Variants in SLC25A53 observed in about 807,000 individuals in gnomAD.
SLC25A53 encodes the protein mitochondrial carrier triple repeat protein 6.
SLC25A53 carries 5 observed loss-of-function variants against 15.0 expected under a neutral mutation model. That is an observed-to-expected ratio of 0.33 (90% CI 0.17 to 0.70). SLC25A53 has a LOEUF of 0.70. Ranked by LOEUF, SLC25A53 falls within the 30% of genes least tolerant of loss-of-function variation. The pLI, the probability that SLC25A53 is intolerant of heterozygous loss-of-function variation, is 0.67. For missense variants in SLC25A53, 216 were observed against 241.6 expected, an observed-to-expected ratio of 0.89 and a Z score of 0.70; for synonymous variants, 95 against 100.0, an observed-to-expected ratio of 0.95 and a Z score of 0.30.
In SLC25A53 at chrX:104,104,799, G is replaced by T; in HGVS notation, c.459C>A (p.Ser153Arg). ...TGAATTCCTTGAGAATGCTGAAGGT[G>T]CTGGGGAAGCGAGCTTGCTTGCGAC... ...QDGRKQARFP[S>R]TFSILKEFNS... Residue 153 changes from serine (S) to arginine (R), a missense_variant, in exon 2 of 2, where the codon AGC becomes AGA. Ser to Arg is a moderately radical substitution (Grantham distance 110). Coordinates refer to ENST00000594199, the MANE Select transcript of SLC25A53 (RefSeq NM_001012755.5). 1 of 1,211,727 alleles carries T rather than the reference G, an allele frequency of 8.3e-7. No individual in the cohort carries two copies.
chrX:104,149,603 C>G (rs2075479144), intron 1 of SLC25A53, among the ~76,000 whole-genome samples: 1 of 112,132 alleles, frequency 8.9e-6, no homozygotes, highest in South Asian at 3.7e-4. Context: ...AGGTGAATGT[C>G]ACTGCAGGTG....
intron 1 of SLC25A53, among the ~76,000 whole-genome samples, chrX:104,106,164 T>G (rs1267933637): frequency 1.8e-5 from 2 of 110,608 alleles, no homozygotes; most frequent in Non-Finnish European, 3.8e-5. Context: ...TGCTCCCGGC[T>G]TAGAACCACT....
intron 1 of SLC25A53, among the ~76,000 whole-genome samples, chrX:104,118,802 T>C (rs1411777007): frequency 8.9e-6 from 1 of 112,324 alleles, no homozygotes; most frequent in African/African-American, 3.2e-5. Context: ...ATAAAGATGA[T>C]ACATGAGGAA....
rs1335106193 is a variant in SLC25A53, at chrX:104,102,728, T to A, written c.*1606A>T. ...TTAAAATGCATACAAAAATCCCTGC[T>A]TTCAATGAGTTTTACAGTCTAGTAG... On this transcript the variant is annotated 3_prime_UTR_variant, in exon 2 of 2. Transcript: ENST00000594199. 2.7e-5 allele frequency: 3 copies of A among 111,941 alleles called. No individual in the cohort carries two copies. Among genetic ancestry groups the A allele is most frequent in the Non-Finnish European group, 5.6e-5 (3 of 53,236 alleles). The allele number at this position is 111,941 out of a possible 1,213,427, so 9.2% of individuals were successfully genotyped here.
intron 1 of SLC25A53, among the ~76,000 whole-genome samples, chrX:104,148,887 A>G (rs1309607428): frequency 8.9e-6 from 1 of 112,465 alleles, no homozygotes; most frequent in Non-Finnish European, 1.9e-5. Flanking sequence ...CACTGTTAAT[A>G]TTATTACTAC....
intron 1 of SLC25A53, among the ~76,000 whole-genome samples, chrX:104,120,509 T>C (rs1412092865): frequency 8.9e-6 from 1 of 112,351 alleles, no homozygotes; most frequent in African/African-American, 3.2e-5. Flanking sequence ...TTGTTGATGG[T>C]ATATAGAAAT....
intron 1 of SLC25A53, among the ~76,000 whole-genome samples, chrX:104,151,419 A>G (rs1556370327): frequency 9.0e-6 from 1 of 111,604 alleles, no homozygotes; most frequent in African/African-American, 3.3e-5. Context: ...CAAAGCAAAA[A>G]CGTGACATTA....
At chrX:104,123,717 C>T (rs2075401988) in intron 1 of SLC25A53, among the ~76,000 whole-genome samples, 1 of 110,540 alleles carries the variant, frequency 9.0e-6, no homozygotes, top group Non-Finnish European at 1.9e-5. Context: ...CCTCTAGCCC[C>T]CTACCCCTCA....
At chrX:104,113,887 G>A in intron 1 of SLC25A53, 1 of 465,021 alleles carries the variant, frequency 2.2e-6, no homozygotes. Context: ...GCACTGGGCA[G>A]ATATAAAATG....
At chrX:104,126,804 A>C (rs2147873652) in intron 1 of SLC25A53, among the ~76,000 whole-genome samples, 1 of 112,585 alleles carries the variant, frequency 8.9e-6, no homozygotes, top group East Asian at 2.8e-4. Flanking sequence ...CAATAAGCTA[A>C]GCTATCATTG....
At chrX:104,154,916 A>C (rs1175932352) in intron 1 of SLC25A53, among the ~76,000 whole-genome samples, 1 of 111,951 alleles carries the variant, frequency 8.9e-6, no homozygotes, top group African/African-American at 3.2e-5. Flanking sequence ...AAAAAGATAA[A>C]ATTTTAGGTG....
At chrX:104,149,719 G>C (rs1332760495) in intron 1 of SLC25A53, among the ~76,000 whole-genome samples, 1 of 112,068 alleles carries the variant, frequency 8.9e-6, no homozygotes, top group East Asian at 2.8e-4. Context: ...ATTCAAAGGA[G>C]AGGAGACATT....
At chrX:104,133,850 G>A (rs2075430935) in intron 1 of SLC25A53, among the ~76,000 whole-genome samples, 1 of 111,550 alleles carries the variant, frequency 9.0e-6, no homozygotes, top group African/African-American at 3.3e-5. Flanking sequence ...TTTCCTCCCC[G>A]TGGCTGTAAA....
chrX:104,142,606 T>C (rs1442030467), intron 1 of SLC25A53, among the ~76,000 whole-genome samples: 3 of 111,201 alleles, frequency 2.7e-5, no homozygotes, highest in African/African-American at 9.8e-5. Context: ...ATATTAAATC[T>C]TGTTACTCTG....
Position 104,101,750 on chromosome X carries a change from T to A in SLC25A53, c.*2584A>T, listed in dbSNP as rs2075281794. ...TCTCAGATAGTTCAGGGAAAAAATA[T>A]CCTGTGTGTGTATAGACAGAGTGCA... On this transcript the variant is annotated 3_prime_UTR_variant, in exon 2 of 2. Coordinates refer to ENST00000594199, the MANE Select transcript of SLC25A53 (RefSeq NM_001012755.5). 1 of 111,881 alleles carries A rather than the reference T, an allele frequency of 8.9e-6. No homozygotes were observed. The highest frequency in any genetic ancestry group is 3.7e-4 in the South Asian group (1 of 2,687). The allele number at this position is 111,881 out of a possible 1,213,427, so 9.2% of individuals were successfully genotyped here. A position where few individuals can be genotyped will look rare whatever the true frequency, so the allele number is the denominator to read the frequency against.
chrX:104,142,487 T>G (rs1248171803), intron 1 of SLC25A53, among the ~76,000 whole-genome samples: 1 of 111,709 alleles, frequency 9.0e-6, no homozygotes, highest in Non-Finnish European at 1.9e-5. Context: ...AGGCAAACAT[T>G]CACATAACCA....
chrX:104,120,563 A>ATC (rs113693810), intron 1 of SLC25A53, among the ~76,000 whole-genome samples: 4,358 of 112,085 alleles, frequency 0.039, 180 homozygotes, highest in African/African-American at 0.13. Context: ...GACTTTGCTA[A>ATC]TCTCTTAATA....
intron 1 of SLC25A53, chrX:104,114,383 G>C: frequency 8.3e-7 from 1 of 1,211,903 alleles, no homozygotes. Flanking sequence ...AAAACACTTA[G>C]GGGCCCTGCC....
chrX:104,118,902 G>C (rs1439101921), intron 1 of SLC25A53, among the ~76,000 whole-genome samples: 3 of 112,661 alleles, frequency 2.7e-5, no homozygotes, highest in Non-Finnish European at 5.6e-5. Context: ...AGGAATACTT[G>C]TGTGACACAG....
Sources: allele counts gnomAD v4.1 joint callset (sites outside exome capture counted in the v4.1 genomes callset), GRCh38; gene constraint gnomAD v4.1.1; transcripts MANE v1.5; gene names NCBI Gene and HGNC (gene_info 2026-07-23, HGNC 2026-07-21).